The following SLC4A10 variants were observed in gnomAD, a reference collection of about 807,000 sequenced individuals.
SLC4A10 encodes sodium-driven chloride bicarbonate exchanger.
In SLC4A10, 42 loss-of-function variants were observed where a neutral mutation model predicts 137.7. The ratio of observed to expected loss-of-function variants is 0.30; its 90% CI spans 0.24 to 0.39. The LOEUF (loss-of-function observed/expected upper bound fraction) is 0.39. Ranked by LOEUF, SLC4A10 falls within the 10% of genes least tolerant of loss-of-function variation. The pLI is 1.00. For missense variants in SLC4A10, 925 were observed against 1,355.0 expected (o/e 0.68, Z 4.98); for synonymous variants, 474 against 464.1 (o/e 1.02, Z -0.27).
chr2:161,634,661 A>G (rs2034123076), intron 1 of SLC4A10, among the ~76,000 whole-genome samples: 1 of 152,030 alleles, frequency 6.6e-6, no homozygotes, highest in South Asian at 2.1e-4. Flanking sequence ...TAATCAAATA[A>G]GGGTAATTAA....
intron 15 of SLC4A10, among the ~76,000 whole-genome samples, chr2:161,929,745 A>C (rs1326895750): frequency 2.0e-5 from 3 of 152,148 alleles, no homozygotes; most frequent in Non-Finnish European, 4.4e-5. Context: ...AAGGATCTTA[A>C]AACTTTAAAA....
At chr2:161,934,742 C>T (rs1275398445) in intron 15 of SLC4A10, among the ~76,000 whole-genome samples, 1 of 151,960 alleles carries the variant, frequency 6.6e-6, no homozygotes, top group African/African-American at 2.4e-5. Flanking sequence ...TGTATGTCTT[C>T]TTTTGAGAAA....
At chr2:161,641,210 G>A (rs998705577) in intron 1 of SLC4A10, among the ~76,000 whole-genome samples, 1 of 152,034 alleles carries the variant, frequency 6.6e-6, no homozygotes, top group African/African-American at 2.4e-5. Flanking sequence ...GCTAGACAGA[G>A]ACACTTGTTT....
At chr2:161,869,950 G>A (rs1336588360) in intron 6 of SLC4A10, among the ~76,000 whole-genome samples, 1 of 151,396 alleles carries the variant, frequency 6.6e-6, no homozygotes, top group Non-Finnish European at 1.5e-5. Flanking sequence ...CTAGCAAGAA[G>A]TTTACTGTCA....
chr2:161,841,378 T>C (rs1275699964), intron 4 of SLC4A10, among the ~76,000 whole-genome samples: 1 of 152,156 alleles, frequency 6.6e-6, no homozygotes, highest in Non-Finnish European at 1.5e-5. Context: ...ATGCCCCTGC[T>C]GACACAGGTT....
At chr2:161,917,668 C>T (rs1257454736) in intron 15 of SLC4A10, among the ~76,000 whole-genome samples, 1 of 151,630 alleles carries the variant, frequency 6.6e-6, no homozygotes, top group Non-Finnish European at 1.5e-5. Context: ...TATATGAAAT[C>T]ATATTCCAAT....
At chr2:161,878,111 A>G (rs1268387327) in intron 8 of SLC4A10, among the ~76,000 whole-genome samples, 1 of 152,126 alleles carries the variant, frequency 6.6e-6, no homozygotes, top group Non-Finnish European at 1.5e-5. Context: ...AGAACTATCT[A>G]GGCTAAAAAA....
chr2:161,746,931 T>A (rs1303175032), intron 1 of SLC4A10, among the ~76,000 whole-genome samples: 1 of 152,158 alleles, frequency 6.6e-6, no homozygotes, highest in African/African-American at 2.4e-5. Context: ...TGTTTTATTT[T>A]GCTGTAGCTG....
intron 15 of SLC4A10, among the ~76,000 whole-genome samples, chr2:161,917,023 G>T (rs1019599965): frequency 6.6e-6 from 1 of 152,022 alleles, no homozygotes; most frequent in Admixed American, 6.6e-5. Flanking sequence ...ATGTTTCCTT[G>T]TGCTCCTTTG....
intron 1 of SLC4A10, among the ~76,000 whole-genome samples, chr2:161,706,072 G>C (rs529059630): frequency 6.6e-6 from 1 of 151,438 alleles, no homozygotes; most frequent in African/African-American, 2.4e-5. Flanking sequence ...TATTAAGAGG[G>C]TCAAGTAATA....
chr2:161,692,512 G>A (rs1438276576), intron 1 of SLC4A10, among the ~76,000 whole-genome samples: 6 of 151,970 alleles, frequency 3.9e-5, no homozygotes, highest in African/African-American at 9.7e-5. Context: ...TACTTAACAC[G>A]TAATATGAAA....
At chr2:161,978,384 C>CAAA (rs61399867) in intron 26 of SLC4A10, among the ~76,000 whole-genome samples, 38,900 of 90,224 alleles carry the variant, frequency 0.43, 9,097 homozygotes, top group East Asian at 0.62. Flanking sequence ...GAGACTCTGT[C>CAAA]AAAAAAAAAA....
intron 3 of SLC4A10, among the ~76,000 whole-genome samples, chr2:161,819,253 T>C (rs1464204212): frequency 6.6e-6 from 1 of 152,092 alleles, no homozygotes; most frequent in African/African-American, 2.4e-5. Flanking sequence ...CCATATGTCA[T>C]GGTTGGGCTG....
chr2:161,780,062 C>T (rs564315337), intron 2 of SLC4A10, among the ~76,000 whole-genome samples: 90 of 152,016 alleles, frequency 5.9e-4, no homozygotes, highest in Non-Finnish European at 1.0e-3. Flanking sequence ...TTACTGCAAA[C>T]GACATTTTAT....
At chr2:161,939,520 T>C (rs767325076) in intron 15 of SLC4A10, among the ~76,000 whole-genome samples, 1 of 152,054 alleles carries the variant, frequency 6.6e-6, no homozygotes, top group Non-Finnish European at 1.5e-5. Context: ...ATATGTAGAT[T>C]TCCATTTCTG....
intron 1 of SLC4A10, among the ~76,000 whole-genome samples, chr2:161,636,685 G>T (rs1029988394): frequency 1.3e-5 from 2 of 151,142 alleles, no homozygotes; most frequent in Non-Finnish European, 3.0e-5. Flanking sequence ...CAGCCACCAC[G>T]CCTGACCTTT....
At chr2:161,633,012 C>A (rs1375213280) in intron 1 of SLC4A10, among the ~76,000 whole-genome samples, 2 of 151,324 alleles carry the variant, frequency 1.3e-5, no homozygotes, top group African/African-American at 4.8e-5. Context: ...TATATATATC[C>A]TGATGATTTC....
intron 3 of SLC4A10, among the ~76,000 whole-genome samples, chr2:161,839,575 T>G (rs1480920575): frequency 6.6e-6 from 1 of 152,110 alleles, no homozygotes; most frequent in Non-Finnish European, 1.5e-5. Flanking sequence ...ATTTTACATA[T>G]TTATTTTCCC....
Position 161,924,945 on chromosome 2 carries a change from G to A in SLC4A10, c.1998-17847G>A, listed in dbSNP as rs1688798641. Among the ~76,000 whole-genome samples the A allele has an allele frequency of 2.6e-5, 4 of 152,188 alleles. No homozygotes were observed. The South Asian group carries it at 6.2e-4, about 24-fold the overall frequency. ...ACTGGACAGTGGGGCTGAGGAAAAT[G>A]TGGATGGTGTAGTTTTCATGATAGG... On this transcript the variant is annotated intron_variant, in intron 15 of 26. Transcript: ENST00000446997.
Sources: gnomAD v4.1 joint callset for allele counts (sites outside exome capture counted in the v4.1 genomes callset) on GRCh38, gnomAD v4.1.1 for gene constraint, MANE v1.5 for transcripts, NCBI Gene and HGNC (gene_info 2026-07-23, HGNC 2026-07-21) for gene names.